The following DDX10 variants were observed in gnomAD, a reference collection of about 807,000 sequenced individuals.
The protein encoded by DDX10 is DEAD-box helicase 10.
In DDX10, 74 loss-of-function variants were observed where a neutral mutation model predicts 104.3. That is an observed-to-expected ratio of 0.71 (90% CI 0.59 to 0.86). The LOEUF (loss-of-function observed/expected upper bound fraction) is 0.86, where lower values mean the gene tolerates loss of function less well. Among genes scored for constraint, DDX10 ranks in the 40% least tolerant of loss-of-function variants. The pLI is 0.00. For synonymous variants in DDX10, 351 were observed against 353.4 expected, an observed-to-expected ratio of 0.99 and a Z score of 0.08; for missense variants, 952 against 1,040.0, an observed-to-expected ratio of 0.92 and a Z score of 1.16.
At chr11:108,774,689 T>C (rs775268371) in intron 13 of DDX10, among the ~76,000 whole-genome samples, 6 of 152,186 alleles carry the variant, frequency 3.9e-5, no homozygotes, top group Non-Finnish European at 8.8e-5. Flanking sequence ...TCTTATGCTG[T>C]ATTCTGTGTT....
rs1368646554 is a variant in DDX10 at position 108,679,417 on chromosome 11, C to T, written c.705C>T (p.Thr235=). Residue 235 remains threonine (T), a synonymous_variant, in exon 6 of 18, where the codon ACC becomes ACT. Coordinates refer to ENST00000322536, the MANE Select transcript of DDX10 (RefSeq NM_004398.4). ...DRILDMGFAD[T]MNAVIENLPK... is the part of the protein sequence containing the mutation. ...TCTTGGATATGGGCTTTGCTGATACCATGAATGCTGTTATTGAAAATCTCC... is the reference window on the plus strand; with the variant it reads ...TCTTGGATATGGGCTTTGCTGATACTATGAATGCTGTTATTGAAAATCTCC... The T allele has an allele frequency of 6.2e-7, 1 of 1,610,422 alleles. No individual in the cohort carries two copies. The highest frequency in any genetic ancestry group is 8.5e-7 in the Non-Finnish European group (1 of 1,179,380).
chr11:108,928,678 C>T (rs553205590), intron 17 of DDX10, among the ~76,000 whole-genome samples: 1 of 152,246 alleles, frequency 6.6e-6, no homozygotes, highest in African/African-American at 2.4e-5. Context: ...CTTTCTTCAT[C>T]AGTCAAAGGA....
chr11:108,915,012 A>G (rs1458278644), intron 16 of DDX10, among the ~76,000 whole-genome samples: 1 of 152,120 alleles, frequency 6.6e-6, no homozygotes, highest in Non-Finnish European at 1.5e-5. Flanking sequence ...AGAAAAAGGA[A>G]CAGAACCTAT....
rs1041036155 is a variant in DDX10 at position 108,885,127 on chromosome 11, G to C, written c.2305-32746G>C. 2.0e-5 allele frequency among the ~76,000 whole-genome samples: 3 copies of C among 152,014 alleles called. No individual in the cohort carries two copies. The South Asian group carries it at 6.2e-4, about 32-fold the overall frequency. On this transcript the variant is annotated intron_variant, in intron 16 of 17. Transcript: ENST00000322536. ...CTTTGTCACATTGTTTGTTTTTGTT[G>C]TTGTTGGTTTCATTTGTTTGTTAAT...
intron 16 of DDX10, among the ~76,000 whole-genome samples, chr11:108,885,386 C>G (rs1250098759): frequency 7.3e-6 from 1 of 137,394 alleles, no homozygotes; most frequent in Non-Finnish European, 1.5e-5. Context: ...GAGATGGAGT[C>G]TCGCACTCTC....
intron 2 of DDX10, 105 bp from the exon 3 acceptor site, chr11:108,675,491 C>A: frequency 8.1e-7 from 1 of 1,236,152 alleles, no homozygotes; most frequent in Non-Finnish European, 1.1e-6. Flanking sequence ...AGGTACGAGG[C>A]ATTAGGGCTT....
chr11:108,743,168 A>T (rs2094327358), intron 13 of DDX10, among the ~76,000 whole-genome samples: 1 of 152,160 alleles, frequency 6.6e-6, no homozygotes, highest in Non-Finnish European at 1.5e-5. Flanking sequence ...GCACATCCAA[A>T]AGCAGATCTG....
intron 10 of DDX10, among the ~76,000 whole-genome samples, chr11:108,713,165 C>T (rs191672189): frequency 1.1e-4 from 16 of 152,180 alleles, no homozygotes; most frequent in African/African-American, 3.9e-4. Context: ...TCTGTCTCTC[C>T]CTCTCGCTTG....
At position 108,822,572 on chromosome 11, in the gene DDX10, G is replaced by A. The variant is rs73009370; in HGVS notation, c.1966-15874G>A. Reference sequence around the variant, plus strand: ...CTATGGAGATTAGGCCCAGTCTTGTGCTGGCCTCCCTTTTGCATTGTGTGG... The same window carrying A: ...CTATGGAGATTAGGCCCAGTCTTGTACTGGCCTCCCTTTTGCATTGTGTGG... On this transcript the variant is annotated intron_variant, in intron 13 of 17. Transcript: ENST00000322536. 8.6e-3 allele frequency: 1,718 copies of A among 199,106 alleles called. 14 individuals carry two copies. The highest frequency in any genetic ancestry group is 0.013 in the Non-Finnish European group (1,273 of 97,562). 12.3% of individuals were successfully genotyped at this position (199,106 alleles called of 1,614,324 possible).
chr11:108,692,135 G>T, intron 8 of DDX10, 97 bp downstream of exon 8: 3 of 1,129,170 alleles, frequency 2.7e-6, no homozygotes, highest in Non-Finnish European at 3.7e-6. Flanking sequence ...CAAACACTTG[G>T]GTTTCTTTTC....
intron 16 of DDX10, among the ~76,000 whole-genome samples, chr11:108,912,616 A>G (rs1385123240): frequency 3.3e-5 from 5 of 152,170 alleles, no homozygotes; most frequent in Non-Finnish European, 7.4e-5. Context: ...CATAACTGGG[A>G]ACGGTGTCAG....
chr11:108,770,306 GTTCT>G lies in DDX10; in HGVS notation c.1965+46847_1965+46850del, dbSNP rs752325958. On this transcript the variant is annotated intron_variant, in intron 13 of 17. Transcript: ENST00000322536. ...TTTGAGTTACAGACAATTTGATTAT[GTTCT>G]TTAAGTTATCTAAAAATAAACAATT... Among the ~76,000 whole-genome samples the G allele has an allele frequency of 3.2e-4, 48 of 152,166 alleles. No individual in the cohort carries two copies. In the East Asian group the frequency reaches 6.2e-3, roughly 20 times the overall value.
intron 13 of DDX10, among the ~76,000 whole-genome samples, chr11:108,746,545 CTTTTGGGTATA>C (rs988550382): frequency 1.2e-4 from 18 of 150,846 alleles, no homozygotes; most frequent in African/African-American, 4.1e-4. Flanking sequence ...TTATTCATTT[CTTTTGGGTATA>C]TACACCTAGA....
chr11:108,682,056 T>C (rs1456338646), intron 6 of DDX10, among the ~76,000 whole-genome samples: 1 of 152,170 alleles, frequency 6.6e-6, no homozygotes, highest in African/African-American at 2.4e-5. Flanking sequence ...CCGGTGTTTT[T>C]TCATTTTATA....
At chr11:108,917,077 T>C (rs1863760643) in intron 16 of DDX10, among the ~76,000 whole-genome samples, 1 of 151,656 alleles carries the variant, frequency 6.6e-6, no homozygotes, top group Non-Finnish European at 1.5e-5. Context: ...TGTTGTTTCG[T>C]TTTTAAGAGA....
At chr11:108,815,023 T>C (rs1478047811) in intron 13 of DDX10, among the ~76,000 whole-genome samples, 1 of 152,228 alleles carries the variant, frequency 6.6e-6, no homozygotes, top group African/African-American at 2.4e-5. Flanking sequence ...GTAGGAATGT[T>C]CTTTATTTTA....
intron 9 of DDX10, among the ~76,000 whole-genome samples, chr11:108,704,363 G>C (rs2094272781): frequency 1.3e-5 from 2 of 152,190 alleles, no homozygotes; most frequent in Admixed American, 1.3e-4. Context: ...ACTGTTCTCT[G>C]TCCTTATGGT....
chr11:108,938,199 T>C (rs945745865), intron 17 of DDX10, among the ~76,000 whole-genome samples: 5 of 152,256 alleles, frequency 3.3e-5, no homozygotes, highest in African/African-American at 1.2e-4. Flanking sequence ...ATACTGTTGT[T>C]TAATAATTAA....
chr11:108,678,250 A>G, intron 4 of DDX10, 65 bp from the exon 5 acceptor site: 1 of 1,518,876 alleles, frequency 6.6e-7, no homozygotes, highest in East Asian at 2.3e-5. Flanking sequence ...TGGCTTTTAT[A>G]GCTTTGGTAC....
Sources: gnomAD v4.1 joint callset for allele counts (sites outside exome capture counted in the v4.1 genomes callset) on GRCh38, gnomAD v4.1.1 for gene constraint, MANE v1.5 for transcripts, NCBI Gene and HGNC (gene_info 2026-07-23, HGNC 2026-07-21) for gene names.